The following PRR5L variants were observed in gnomAD, a reference collection of about 807,000 sequenced individuals.
PRR5L encodes proline-rich protein 5-like.
PRR5L carries 21 observed loss-of-function variants against 36.4 expected under a neutral mutation model. That is an observed-to-expected ratio of 0.58 (90% CI 0.41 to 0.83). The LOEUF (loss-of-function observed/expected upper bound fraction) is 0.83, where lower values mean the gene tolerates loss of function less well. Ranked by LOEUF, PRR5L falls within the 40% of genes least tolerant of loss-of-function variation. The probability of loss-of-function intolerance (pLI) is 0.00; values close to 1 mark genes in which losing one functional copy is unlikely to be tolerated. For missense variants in PRR5L, 381 were observed against 473.3 expected, an observed-to-expected ratio of 0.80 and a Z score of 1.81; for synonymous variants, 188 against 197.0, an observed-to-expected ratio of 0.95 and a Z score of 0.38.
chr11:36,455,855 C>T (rs905627591), intron 8 of PRR5L, among the ~76,000 whole-genome samples: 11 of 152,276 alleles, frequency 7.2e-5, no homozygotes, highest in Admixed American at 3.3e-4. Flanking sequence ...TGGAGTCTGG[C>T]GGGAACTTAG....
rs1004151356 is a variant in PRR5L at position 36,464,756 on chromosome 11, C to A, written c.*2020C>A. The A allele has an allele frequency of 3.3e-5, 5 of 152,268 alleles. No homozygotes were observed. Among genetic ancestry groups the A allele is most frequent in the Non-Finnish European group, 5.9e-5 (4 of 68,056 alleles). 9.4% of individuals were successfully genotyped at this position (152,268 alleles called of 1,614,324 possible). On this transcript the variant is annotated 3_prime_UTR_variant, in exon 9 of 9. Coordinates refer to ENST00000530639, the MANE Select transcript of PRR5L (RefSeq NM_001160167.2). ...TTGTAAGGTTAAGCATATGTGCATG[C>A]GTGCGTGTGTATATAAATGCCTTTT...
chr11:36,408,381 A>G (rs1238905318), intron 3 of PRR5L, among the ~76,000 whole-genome samples: 1 of 151,168 alleles, frequency 6.6e-6, no homozygotes, highest in Non-Finnish European at 1.5e-5. Flanking sequence ...TATGAAAACC[A>G]TAAATCAGAA....
chr11:36,397,788 TTTTC>T (rs1857697096), intron 1 of PRR5L, among the ~76,000 whole-genome samples: 1 of 151,666 alleles, frequency 6.6e-6, no homozygotes, highest in Non-Finnish European at 1.5e-5. Flanking sequence ...TTTTTCTTTC[TTTTC>T]TTTCTTTTTT....
intron 8 of PRR5L, among the ~76,000 whole-genome samples, chr11:36,460,717 C>T (rs1382212127): frequency 6.6e-6 from 1 of 152,248 alleles, no homozygotes; most frequent in Admixed American, 6.5e-5. Flanking sequence ...CCCAAGGAAG[C>T]TTCCTGAGCA....
rs143758634 is a variant in PRR5L, at chr11:36,325,982, C to T, written c.-126+29544C>T. Among the ~76,000 whole-genome samples the T allele has an allele frequency of 1.8e-4, 27 of 152,076 alleles. No homozygotes were observed. In the Middle Eastern group the frequency reaches 0.014, roughly 77 times the overall value. On this transcript the variant is annotated intron_variant, in intron 1 of 8. Coordinates refer to ENST00000530639, the MANE Select transcript of PRR5L (RefSeq NM_001160167.2). Reference sequence around the variant, plus strand: ...TTTTGTTTGTTTGTTTTTTATTAAGCGGTAAACATTTTTATTATTTTTGGT... The same window carrying T: ...TTTTGTTTGTTTGTTTTTTATTAAGTGGTAAACATTTTTATTATTTTTGGT...
chr11:36,351,888 G>C (rs969115921), intron 1 of PRR5L, among the ~76,000 whole-genome samples: 2 of 148,882 alleles, frequency 1.3e-5, no homozygotes, highest in East Asian at 3.9e-4. Context: ...ATAAACATGC[G>C]TGTGCAAATA....
rs1856847242 is a variant in PRR5L, at chr11:36,344,607, G to T, written c.-126+48169G>T. On this transcript the variant is annotated intron_variant, in intron 1 of 8. Transcript: ENST00000530639. This position sits in a 1 kb window ranked among gnomAD's most constrained non-coding sequence, Gnocchi z 4.1. ...AGTATTTTATCAGGGCAGATTTCTG[G>T]AAAGGGTATTACTGGGTCAAAGGGC... Among the ~76,000 whole-genome samples, 1 of 152,158 alleles carries T rather than the reference G, an allele frequency of 6.6e-6. No individual in the cohort carries two copies. The highest frequency in any genetic ancestry group is 6.5e-5 in the Admixed American group (1 of 15,284).
At chr11:36,404,897 CAG>C (rs1381427297) in intron 3 of PRR5L, among the ~76,000 whole-genome samples, 7 of 152,140 alleles carry the variant, frequency 4.6e-5, no homozygotes, top group Non-Finnish European at 8.8e-5. Context: ...AGTTGAGTGA[CAG>C]GGGCAAAGTG....
At chr11:36,366,438 A>T (rs1227790254) in intron 1 of PRR5L, among the ~76,000 whole-genome samples, 1 of 152,250 alleles carries the variant, frequency 6.6e-6, no homozygotes, top group South Asian at 2.1e-4. Flanking sequence ...GAGGACAAAA[A>T]GGGAGGAAGA....
chr11:36,462,513 C>A lies in PRR5L; in HGVS notation c.884C>A (p.Ala295Asp). 6.2e-7 allele frequency: 1 copy of A among 1,608,060 alleles called. No individual in the cohort carries two copies. The highest frequency in any genetic ancestry group is 1.1e-5 in the South Asian group (1 of 90,068). ...GTGCGGCGGCACACGGTGGCCAATG[C>A]CCACTCGGACATCCAGCTGCTGGCC... ...GSVRRHTVAN[A>D]HSDIQLLAMA... is the part of the protein sequence containing the mutation. Residue 295 changes from alanine (A) to aspartate (D), a missense_variant, in exon 9 of 9, where the codon GCC (alanine) becomes GAC (aspartate). Ala to Asp is a moderately radical substitution (Grantham distance 126, BLOSUM62 -2). Coordinates refer to ENST00000530639, the MANE Select transcript of PRR5L (RefSeq NM_001160167.2).
At chr11:36,367,217 A>G (rs1396728917) in intron 1 of PRR5L, among the ~76,000 whole-genome samples, 1 of 152,220 alleles carries the variant, frequency 6.6e-6, no homozygotes, top group Non-Finnish European at 1.5e-5. Flanking sequence ...AGGCTAAAAC[A>G]TATGTTCAAC....
chr11:36,354,614 T>C (rs967592899), intron 1 of PRR5L, among the ~76,000 whole-genome samples: 8 of 152,222 alleles, frequency 5.3e-5, no homozygotes, highest in Non-Finnish European at 8.8e-5. Context: ...TCTATATTTA[T>C]TTAAAAAAGA....
intron 7 of PRR5L, among the ~76,000 whole-genome samples, chr11:36,446,818 G>A (rs1005829986): frequency 2.6e-5 from 4 of 152,166 alleles, no homozygotes; most frequent in Admixed American, 6.5e-5. Context: ...AAAGCTCCTA[G>A]GGCAGATGGA....
At chr11:36,360,033 TCACACACACACACACA>T (rs34561988) in intron 1 of PRR5L, among the ~76,000 whole-genome samples, 1 of 146,570 alleles carries the variant, frequency 6.8e-6, no homozygotes, top group Non-Finnish European at 1.5e-5. Context: ...TGAGACTCTG[TCACACACACACACACA>T]CACACACACA....
At chr11:36,407,026 A>G (rs751853060) in intron 3 of PRR5L, among the ~76,000 whole-genome samples, 1 of 152,250 alleles carries the variant, frequency 6.6e-6, no homozygotes, top group Non-Finnish European at 1.5e-5. Flanking sequence ...TAATGCTAAA[A>G]GCATCCTTAG....
intron 1 of PRR5L, among the ~76,000 whole-genome samples, chr11:36,306,293 A>G (rs550718212): frequency 6.6e-6 from 1 of 152,028 alleles, no homozygotes; most frequent in South Asian, 2.1e-4. Flanking sequence ...AAGTGATCTC[A>G]TTGTTCAATT....
intron 1 of PRR5L, among the ~76,000 whole-genome samples, chr11:36,308,320 G>A (rs546686680): frequency 6.6e-6 from 1 of 152,174 alleles, no homozygotes; most frequent in Non-Finnish European, 1.5e-5. Flanking sequence ...GTCCACATCT[G>A]CTCTTTCTCT....
At chr11:36,317,208 TAGTG>T (rs1284487227) in intron 1 of PRR5L, among the ~76,000 whole-genome samples, 11 of 152,220 alleles carry the variant, frequency 7.2e-5, no homozygotes, top group Non-Finnish European at 1.6e-4. Flanking sequence ...TTGTCTGCCT[TAGTG>T]AGGGCAACCA....
chr11:36,401,268 C>G lies in PRR5L; in HGVS notation c.147C>G (p.Ser49=), dbSNP rs371553701. 1.2e-6 allele frequency: 2 copies of G among 1,611,824 alleles called. No individual in the cohort carries two copies. Among genetic ancestry groups the G allele is most frequent in the Non-Finnish European group, 1.7e-6 (2 of 1,179,872 alleles). ...CTCGGCAGGCTCTGCAGCTGAGCTC[C>G]AGCTCAGCCTGGAACAGGTGAAGGA... ...QAARQALQLS[S]SSAWNSVQTA... The change falls in exon 2 of 9, where the codon TCC becomes TCG. Residue 49 remains serine, a synonymous_variant. Transcript: ENST00000530639.
Sources: allele counts gnomAD v4.1 joint callset (sites outside exome capture counted in the v4.1 genomes callset), GRCh38; gene constraint gnomAD v4.1.1; non-coding constraint Gnocchi (gnomAD v3.1); transcripts MANE v1.5; gene names NCBI Gene and HGNC (gene_info 2026-07-23, HGNC 2026-07-21).